VPS13A: variants seen among roughly 807,000 people sequenced by gnomAD.
VPS13A encodes intermembrane lipid transfer protein VPS13A.
Under a neutral mutation model 390.9 loss-of-function variants are expected in VPS13A, and 264 were observed. The ratio of observed to expected loss-of-function variants is 0.68; its 90% CI spans 0.61 to 0.75. The LOEUF (loss-of-function observed/expected upper bound fraction) is 0.75, where lower values mean the gene tolerates loss of function less well. Ranked by LOEUF, VPS13A falls within the 30% of genes least tolerant of loss-of-function variation. The pLI, the probability that VPS13A is intolerant of heterozygous loss-of-function variation, is 0.00. For missense variants in VPS13A, 3,409 were observed against 3,733.9 expected, an observed-to-expected ratio of 0.91 and a Z score of 2.27; for synonymous variants, 1,231 against 1,227.1, an observed-to-expected ratio of 1.00 and a Z score of -0.07.
chr9:77,207,860 A>G (rs935866119), intron 5 of VPS13A, among the ~76,000 whole-genome samples: 1 of 151,376 alleles, frequency 6.6e-6, no homozygotes, highest in African/African-American at 2.4e-5. Context: ...TGTGACTTGG[A>G]TTTTTGTTGT....
intron 1 of VPS13A, 35 bp from the exon 2 acceptor site, chr9:77,199,910 T>A (rs1455829188): frequency 2.6e-6 from 4 of 1,559,854 alleles, no homozygotes; most frequent in Non-Finnish European, 3.5e-6. Flanking sequence ...TGAAAAATAT[T>A]TGATTGTTTG....
At chr9:77,409,301 A>C (rs1038144381) in intron 71 of VPS13A, among the ~76,000 whole-genome samples, 3 of 152,206 alleles carry the variant, frequency 2.0e-5, no homozygotes, top group African/African-American at 7.2e-5. Context: ...CCATCTGTAC[A>C]TCACCATCAT....
chr9:77,400,249 G>A (rs575121462), intron 68 of VPS13A, among the ~76,000 whole-genome samples: 43 of 55,908 alleles, frequency 7.7e-4, no homozygotes, highest in Non-Finnish European at 1.3e-3. Context: ...TTTTTTTGCT[G>A]AACTACCTTT....
intron 10 of VPS13A, among the ~76,000 whole-genome samples, chr9:77,216,131 C>T (rs1333868544): frequency 6.6e-6 from 1 of 152,098 alleles, no homozygotes; most frequent in African/African-American, 2.4e-5. Context: ...TCTCCAGTGT[C>T]CTCTACTGAT....
intron 33 of VPS13A, among the ~76,000 whole-genome samples, chr9:77,299,020 C>T (rs952865535): frequency 5.3e-5 from 8 of 152,084 alleles, no homozygotes; most frequent in African/African-American, 1.9e-4. Context: ...ATAGGGAATC[C>T]TTTCCCCATT....
rs145102657 is a variant in VPS13A at position 77,334,458 on chromosome 9, C to T, written c.6095+2345C>T. Reference sequence around the variant, plus strand: ...ATTCATTCCTTGAACTTTCCTTTGACGTTTTATATTTCTCTTACTCAGATT... The same window carrying T: ...ATTCATTCCTTGAACTTTCCTTTGATGTTTTATATTTCTCTTACTCAGATT... On this transcript the variant is annotated intron_variant, in intron 46 of 71. Transcript: ENST00000360280. Among the ~76,000 whole-genome samples, 266 of 152,122 alleles carry T rather than the reference C, an allele frequency of 1.7e-3. 1 individual carries two copies. Among genetic ancestry groups the T allele is most frequent in the African/African-American group, 5.3e-3 (221 of 41,498 alleles).
At chr9:77,407,860 C>CTAAT (rs199911832) in intron 71 of VPS13A, among the ~76,000 whole-genome samples, 1 of 152,010 alleles carries the variant, frequency 6.6e-6, no homozygotes, top group African/African-American at 2.4e-5. Context: ...AATGCTAACT[C>CTAAT]TAATTAATTT....
intron 35 of VPS13A, among the ~76,000 whole-genome samples, chr9:77,312,720 T>C (rs1467584681): frequency 6.6e-6 from 1 of 152,126 alleles, no homozygotes; most frequent in East Asian, 1.9e-4. Context: ...CAGCCGTTCA[T>C]ATAATTATTT....
In VPS13A at chr9:77,222,306, A is replaced by T. The variant is rs543372769; in HGVS notation, c.1161+950A>T. Among the ~76,000 whole-genome samples, 13 of 152,236 alleles carry T rather than the reference A, an allele frequency of 8.5e-5. No homozygotes were observed. In the East Asian group the frequency reaches 1.9e-3, roughly 23 times the overall value. ...TGGATAGGAGAACCCTGAATAAGTT[A>T]TTCTGAAATAATAATGGGTTGTAGT... On this transcript the variant is annotated intron_variant, in intron 13 of 71. Transcript: ENST00000360280.
intron 59 of VPS13A, among the ~76,000 whole-genome samples, chr9:77,362,506 CTTAG>C (rs1434407929): frequency 1.3e-5 from 2 of 152,186 alleles, no homozygotes; most frequent in South Asian, 2.1e-4. Flanking sequence ...TGCACACTGT[CTTAG>C]TTATTGTTTT....
At chr9:77,374,088 A>C (rs1461660991) in intron 67 of VPS13A, among the ~76,000 whole-genome samples, 4 of 152,150 alleles carry the variant, frequency 2.6e-5, no homozygotes, top group Non-Finnish European at 4.4e-5. Flanking sequence ...GAAGAATGGC[A>C]TTTTGTATTT....
Position 77,260,225 on chromosome 9 carries a change from GTAATGTTACTTTCAAAATTAATAT to G in VPS13A, c.2427+2_2427+25del. 6.2e-7 allele frequency: 1 copy of G among 1,612,346 alleles called. No individual in the cohort carries two copies. Among genetic ancestry groups the G allele is most frequent in the Non-Finnish European group, 8.5e-7 (1 of 1,179,276 alleles). On this transcript the variant is annotated splice_donor_variant and splice_donor_5th_base_variant and intron_variant, in intron 23 of 71. Transcript: ENST00000360280. LOFTEE classifies it high-confidence loss of function. ...ATCTGCCCCTGTCAAATCATTCCAG[GTAATGTTACTTTCAAAATTAATAT>G]AAGCATGAATTAAGAAAGTCCACAA... is the stretch of plus-strand genomic sequence containing the variant.
At position 77,276,110 on chromosome 9, in the gene VPS13A, G is replaced by A. The variant is rs1444310346; in HGVS notation, c.2713G>A (p.Val905Met). The stretch of plus-strand genomic sequence containing the variant: ...CCTTGTTGGAGATTGTGAACTATCT[G>A]TGGTAGAAATTCTTGTTTTAGGATT... ...YHLVGDCELS[V>M]VEILVLGLGA... The change falls in exon 26 of 72, where the codon GTG becomes ATG. Residue 905 changes from valine to methionine, a missense_variant. By Grantham distance (21) the Val-to-Met change is conservative (BLOSUM62 1). This residue lies in a region of VPS13A where 2,717 missense variants were observed against 2,917.4 expected (regional missense o/e 0.93). Transcript: ENST00000360280. The A allele has an allele frequency of 1.2e-6, 2 of 1,613,284 alleles. No homozygotes were observed. The highest frequency in any genetic ancestry group is 1.7e-6 in the Non-Finnish European group (2 of 1,179,744).
Position 77,378,325 on chromosome 9 carries a change from TCTTTA to T in VPS13A, c.9078-3647_9078-3643del, listed in dbSNP as rs536796280. Among the ~76,000 whole-genome samples the T allele has an allele frequency of 6.6e-4, 100 of 152,332 alleles. 2 individuals are homozygous for T. Among genetic ancestry groups the T allele is most frequent in the Admixed American group, 5.9e-3 (90 of 15,298 alleles). ...GAGTTTTAAAATGACAAATTCACTC[TCTTTA>T]CTTGGTAAAGGTCTAGTTAGGCTGT... On this transcript the variant is annotated intron_variant, in intron 67 of 71. Transcript: ENST00000360280.
intron 46 of VPS13A, among the ~76,000 whole-genome samples, chr9:77,334,668 G>A (rs1215150415): frequency 6.6e-6 from 1 of 152,068 alleles, no homozygotes; most frequent in East Asian, 1.9e-4. Flanking sequence ...TTACTCATTT[G>A]TTTGTTTTCA....
At position 77,366,799 on chromosome 9, in the gene VPS13A, C is replaced by G. The variant is rs745316715; in HGVS notation, c.8398C>G (p.Pro2800Ala). 1.1e-5 allele frequency: 18 copies of G among 1,613,070 alleles called. No individual in the cohort carries two copies. Among genetic ancestry groups the G allele is most frequent in the Middle Eastern group, 3.3e-4 (2 of 6,076 alleles). The change falls in exon 61 of 72, where the codon CCA becomes GCA. Residue 2800 changes from proline to alanine, a missense_variant. Pro to Ala is a conservative substitution (Grantham distance 27). Transcript: ENST00000360280. ...KDSKQNGGLI[P>A]VHSLNLLLKS... ...TTCAAAACAAAATGGAGGACTGATTCCAGTTCATTCTTTAAATCTTTTGCT... is the reference window on the plus strand; with the variant it reads ...TTCAAAACAAAATGGAGGACTGATTGCAGTTCATTCTTTAAATCTTTTGCT...
chr9:77,205,400 C>T lies in VPS13A; in HGVS notation c.275C>T (p.Pro92Leu). Reference protein sequence around the residue: ...VLEEIYLLIVPSSRIKYDPLK... With the variant: ...VLEEIYLLIVLSSRIKYDPLK... ...GAAGAAATTTATTTACTTATAGTGC[C>T]TTCTTCTAGTAAGTTAAATTTAAAA... Residue 92 changes from proline to leucine, a missense_variant, in exon 4 of 72, where the codon CCT (proline) becomes CTT (leucine). Pro to Leu is a moderately conservative substitution (Grantham distance 98). Coordinates refer to ENST00000360280, the MANE Select transcript of VPS13A (RefSeq NM_033305.3). 1 of 1,392,738 alleles carries T rather than the reference C, an allele frequency of 7.2e-7. No individual in the cohort carries two copies. The highest frequency in any genetic ancestry group is 9.5e-7 in the Non-Finnish European group (1 of 1,050,150). The allele number at this position is 1,392,738 out of a possible 1,614,324, so 86.3% of individuals were successfully genotyped here.
At chr9:77,389,906 A>T (rs2131627332) in intron 68 of VPS13A, 1 of 169,746 alleles carries the variant, frequency 5.9e-6, no homozygotes, top group Middle Eastern at 2.9e-3. Context: ...AAGTTGTTAC[A>T]GAAGGGAGGC....
At position 77,331,393 on chromosome 9, in the gene VPS13A, A is replaced by AT. The variant is rs1221394403; in HGVS notation, c.5992-609dup. 8.6e-5 allele frequency among the ~76,000 whole-genome samples: 13 copies of AT among 151,582 alleles called. No homozygotes were observed. In the South Asian group the frequency reaches 1.7e-3, roughly 19 times the overall value. ...AACTGTTGATATCACCATACTTCTG[A>AT]TTTTTTTTGCAGTTTGTTGGTATTA... On this transcript the variant is annotated intron_variant, in intron 45 of 71. Transcript: ENST00000360280.
Sources: allele counts gnomAD v4.1 joint callset (sites outside exome capture counted in the v4.1 genomes callset), GRCh38; gene constraint gnomAD v4.1.1; regional missense constraint gnomAD v4.1.1; transcripts MANE v1.5; gene names NCBI Gene and HGNC (gene_info 2026-07-23, HGNC 2026-07-21).